LIN28B: variants seen among roughly 807,000 people sequenced by gnomAD.
LIN28B encodes the protein protein lin-28 homolog B.
A neutral mutation model predicts 21.9 loss-of-function variants in LIN28B; 5 were observed. That is an observed-to-expected ratio of 0.23 (90% CI 0.12 to 0.48). The LOEUF (loss-of-function observed/expected upper bound fraction) is 0.48. LIN28B is among the 20% of genes least tolerant of loss of function. The pLI is 0.98. For missense variants in LIN28B, 245 were observed against 310.5 expected, an observed-to-expected ratio of 0.79 and a Z score of 1.58; for synonymous variants, 109 against 111.3, an observed-to-expected ratio of 0.98 and a Z score of 0.13.
chr6:104,957,973 TA>T (rs869304002), intron 1 of LIN28B, 125 bp from the exon 2 acceptor site: 23 of 556,030 alleles, frequency 4.1e-5, no homozygotes, highest in East Asian at 2.9e-4. Flanking sequence ...ATCAAACCAT[TA>T]AAAAAAATTT....
intron 2 of LIN28B, among the ~76,000 whole-genome samples, chr6:105,018,815 C>T (rs1771079321): frequency 6.6e-6 from 1 of 152,028 alleles, no homozygotes; most frequent in Admixed American, 6.6e-5. Context: ...TCTGAGAGTG[C>T]TTTTTAAATT....
At chr6:104,967,449 C>T (rs1230724317) in intron 2 of LIN28B, among the ~76,000 whole-genome samples, 1 of 151,370 alleles carries the variant, frequency 6.6e-6, no homozygotes, top group Non-Finnish European at 1.5e-5. Context: ...GGCCTGGTGG[C>T]ACATGCTTGT....
At chr6:104,945,185 T>G (rs1778142213) in intron 2 of LIN28B, among the ~76,000 whole-genome samples, 1 of 152,128 alleles carries the variant, frequency 6.6e-6, no homozygotes, top group Non-Finnish European at 1.5e-5. Context: ...AAATTATGTG[T>G]TATCTTTTGT....
intron 2 of LIN28B, among the ~76,000 whole-genome samples, chr6:104,996,825 A>AG (rs1040205906): frequency 5.3e-5 from 8 of 152,142 alleles, no homozygotes; most frequent in African/African-American, 1.9e-4. Flanking sequence ...TTTCTTAAAA[A>AG]TGTTTGTCCA....
chr6:105,023,676 T>G (rs1771224580), intron 2 of LIN28B, among the ~76,000 whole-genome samples: 1 of 87,684 alleles, frequency 1.1e-5, no homozygotes, highest in African/African-American at 4.4e-5. Context: ...TGCCAAGTAT[T>G]ATGAAACTAA....
At chr6:105,010,111 T>G (rs905156991) in intron 2 of LIN28B, among the ~76,000 whole-genome samples, 1 of 151,770 alleles carries the variant, frequency 6.6e-6, no homozygotes, top group African/African-American at 2.4e-5. Flanking sequence ...TTCATAGCAG[T>G]AAGAATAGGC....
chr6:105,032,789 C>A (rs1771450381), intron 3 of LIN28B, among the ~76,000 whole-genome samples: 1 of 151,968 alleles, frequency 6.6e-6, no homozygotes, highest in African/African-American at 2.4e-5. Context: ...TTTTAATTTT[C>A]ATTTCCTTAA....
chr6:104,999,629 A>G (rs926945424), intron 2 of LIN28B, among the ~76,000 whole-genome samples: 2 of 152,208 alleles, frequency 1.3e-5, no homozygotes, highest in Non-Finnish European at 2.9e-5. Flanking sequence ...TATATTGTGT[A>G]GCCAATTTAA....
exon 2 of LIN28B, chr6:104,937,108 C>T (rs537538086): frequency 2.0e-5 from 3 of 152,334 alleles, no homozygotes; most frequent in Admixed American, 6.5e-5. Flanking sequence ...CATGAGCCAC[C>T]GCCGCCAGGT....
intron 3 of LIN28B, among the ~76,000 whole-genome samples, chr6:104,951,343 A>C (rs1778218384): frequency 6.6e-6 from 1 of 152,172 alleles, no homozygotes; most frequent in Admixed American, 6.5e-5. Context: ...GGAAAGCAGT[A>C]AGGATCAAAA....
chr6:104,973,807 A>G (rs961566559), intron 2 of LIN28B, among the ~76,000 whole-genome samples: 1 of 152,194 alleles, frequency 6.6e-6, no homozygotes, highest in African/African-American at 2.4e-5. Flanking sequence ...GTTCTTTACC[A>G]CATTTCTGTC....
At chr6:105,012,546 C>T (rs1467017041) in intron 2 of LIN28B, among the ~76,000 whole-genome samples, 1 of 151,842 alleles carries the variant, frequency 6.6e-6, no homozygotes, top group East Asian at 1.9e-4. Context: ...ATGCATTCTA[C>T]CACCTTCTGT....
chr6:104,938,103 A>C (rs902575387), intron 2 of LIN28B, among the ~76,000 whole-genome samples: 6 of 151,522 alleles, frequency 4.0e-5, no homozygotes, highest in Admixed American at 6.6e-5. Flanking sequence ...ACCAAAAAAA[A>C]CAAAAAAATT....
At chr6:105,024,298 T>TA (rs200464986) in intron 2 of LIN28B, among the ~76,000 whole-genome samples, 2,662 of 152,258 alleles carry the variant, frequency 0.017, 82 homozygotes, top group African/African-American at 0.061. Flanking sequence ...AGCCCAGTGA[T>TA]AGAGTTTTTG....
At chr6:105,055,807 G>C (rs1295275054) in intron 3 of LIN28B, among the ~76,000 whole-genome samples, 1 of 151,478 alleles carries the variant, frequency 6.6e-6, no homozygotes, top group Non-Finnish European at 1.5e-5. Context: ...CTTCCTTCCA[G>C]CCCAGGCCGG....
chr6:104,969,336 C>T (rs1184632552), intron 2 of LIN28B, among the ~76,000 whole-genome samples: 1 of 152,108 alleles, frequency 6.6e-6, no homozygotes, highest in Non-Finnish European at 1.5e-5. Context: ...GCTCAGGTTG[C>T]AGGCCCACTT....
At chr6:104,939,932 T>C (rs1778058918) in intron 2 of LIN28B, among the ~76,000 whole-genome samples, 1 of 152,176 alleles carries the variant, frequency 6.6e-6, no homozygotes. Context: ...TAGAAAATTA[T>C]AGGAGAGAAA....
At chr6:104,976,952 C>T (rs183154056) in intron 2 of LIN28B, among the ~76,000 whole-genome samples, 30 of 152,238 alleles carry the variant, frequency 2.0e-4, no homozygotes, top group Non-Finnish European at 3.8e-4. Flanking sequence ...GTTGCATTGC[C>T]TATTTGTTTT....
chr6:104,979,175 AAG>A (rs1770166461), intron 2 of LIN28B, among the ~76,000 whole-genome samples: 1 of 151,900 alleles, frequency 6.6e-6, no homozygotes. Context: ...TTTGGAGAAA[AAG>A]AATATAAAGA....
Sources: gnomAD v4.1 joint callset for allele counts (sites outside exome capture counted in the v4.1 genomes callset) on GRCh38, gnomAD v4.1.1 for gene constraint, MANE v1.5 for transcripts, NCBI Gene and HGNC (gene_info 2026-07-23, HGNC 2026-07-21) for gene names.